The following RABGAP1L variants were observed in gnomAD, a reference collection of about 807,000 sequenced individuals.
The protein encoded by RABGAP1L is RAB GTPase activating protein 1 like, also known as rab GTPase-activating protein 1-like.
A neutral mutation model predicts 137.7 loss-of-function variants in RABGAP1L; 63 were observed. The observed-to-expected ratio is 0.46, with a 90% confidence interval of 0.37 to 0.56. The LOEUF (loss-of-function observed/expected upper bound fraction) is 0.56. Among genes scored for constraint, RABGAP1L ranks in the 20% least tolerant of loss-of-function variants. RABGAP1L has a pLI of 0.00. For missense variants in RABGAP1L, 1,095 were observed against 1,244.0 expected, an observed-to-expected ratio of 0.88 and a Z score of 1.80; for synonymous variants, 431 against 433.7, an observed-to-expected ratio of 0.99 and a Z score of 0.08.
intron 11 of RABGAP1L, among the ~76,000 whole-genome samples, chr1:174,309,742 G>A (rs1306579250): frequency 6.6e-6 from 1 of 152,056 alleles, no homozygotes; most frequent in Non-Finnish European, 1.5e-5. Flanking sequence ...ATGTGCTGTT[G>A]TGTTTGGTAT....
intron 18 of RABGAP1L, among the ~76,000 whole-genome samples, chr1:174,783,707 C>CTTTTTTTTTTTTTTTTTTTTTTTTTTTTT (rs34367315): frequency 9.8e-6 from 1 of 102,468 alleles, no homozygotes; most frequent in Non-Finnish European, 1.9e-5. Context: ...TCTTCTTCTT[C>CTTTTTTTTTTTTTTTTTTTTTTTTTTTTT]TTTTTTTTTT....
chr1:174,624,138 C>T (rs1672758746), intron 13 of RABGAP1L, among the ~76,000 whole-genome samples: 1 of 152,194 alleles, frequency 6.6e-6, no homozygotes, highest in Non-Finnish European at 1.5e-5. Flanking sequence ...GTCACATCTA[C>T]TGGGCATGCC....
chr1:174,947,159 T>C (rs1339991182), intron 19 of RABGAP1L, among the ~76,000 whole-genome samples: 1 of 150,692 alleles, frequency 6.6e-6, no homozygotes, highest in Non-Finnish European at 1.5e-5. Flanking sequence ...TAAAATTATA[T>C]AGCTAGTATT....
intron 18 of RABGAP1L, among the ~76,000 whole-genome samples, chr1:174,774,540 AC>A (rs1402249231): frequency 1.3e-5 from 2 of 152,082 alleles, no homozygotes; most frequent in African/African-American, 4.8e-5. Flanking sequence ...TCTCAAAAAA[AC>A]AAAGGAAGAT....
chr1:174,313,221 C>G (rs1405846514), intron 11 of RABGAP1L, among the ~76,000 whole-genome samples: 1 of 152,092 alleles, frequency 6.6e-6, no homozygotes, highest in Admixed American at 6.6e-5. Flanking sequence ...ACCACCACAC[C>G]TGGCCATAAA....
At chr1:174,732,177 G>A (rs1467194779) in intron 17 of RABGAP1L, among the ~76,000 whole-genome samples, 2 of 144,260 alleles carry the variant, frequency 1.4e-5, no homozygotes, top group African/African-American at 2.7e-5. Flanking sequence ...CCAGCCTGGC[G>A]ACAGAGTGAG....
chr1:174,300,359 C>G (rs1677559812), intron 10 of RABGAP1L, among the ~76,000 whole-genome samples: 1 of 151,664 alleles, frequency 6.6e-6, no homozygotes, highest in East Asian at 2.0e-4. Flanking sequence ...AACTCCATCT[C>G]TACTAAAAAT....
At chr1:174,438,064 A>G (rs1158478326) in intron 13 of RABGAP1L, among the ~76,000 whole-genome samples, 2 of 152,204 alleles carry the variant, frequency 1.3e-5, no homozygotes, top group Non-Finnish European at 2.9e-5. Flanking sequence ...GAGCTCCTGA[A>G]GGAAGCACTA....
intron 3 of RABGAP1L, among the ~76,000 whole-genome samples, chr1:174,226,932 T>C (rs1670230698): frequency 6.6e-6 from 1 of 152,176 alleles, no homozygotes; most frequent in Non-Finnish European, 1.5e-5. Context: ...CCTACTTGTT[T>C]ATGGTGTGGC....
At chr1:174,166,553 G>T (rs950207734) in intron 1 of RABGAP1L, among the ~76,000 whole-genome samples, 1 of 152,218 alleles carries the variant, frequency 6.6e-6, no homozygotes, top group African/African-American at 2.4e-5. Context: ...TATGACTGAA[G>T]ATGTTTTGAA....
In RABGAP1L at chr1:174,924,385, CA is replaced by C. The variant is rs10688718; in HGVS notation, c.2341-33051del. ...GTGGTGACAGAGCAAGACTCTGTCT[CA>C]AAAAAAAAAAAAAAAAAAAAGAGAG... On this transcript the variant is annotated intron_variant, in intron 19 of 25. Coordinates refer to ENST00000681986, the MANE Select transcript of RABGAP1L (RefSeq NM_001366446.1). Among the ~76,000 whole-genome samples the C allele has an allele frequency of 1.4e-3, 97 of 70,108 alleles. 1 individual carries two copies. Among genetic ancestry groups the C allele is most frequent in the African/African-American group, 2.9e-3 (47 of 16,272 alleles). The allele number at this position is 70,108 out of a possible 152,430, so 46.0% of individuals were successfully genotyped here.
chr1:174,923,527 A>G (rs962969154), intron 19 of RABGAP1L, among the ~76,000 whole-genome samples: 1 of 152,226 alleles, frequency 6.6e-6, no homozygotes, highest in Non-Finnish European at 1.5e-5. Flanking sequence ...TGAGTGACAC[A>G]TAGCCAAATT....
intron 18 of RABGAP1L, among the ~76,000 whole-genome samples, chr1:174,771,037 G>A (rs1445702871): frequency 6.6e-6 from 1 of 152,216 alleles, no homozygotes; most frequent in African/African-American, 2.4e-5. Context: ...TGGGAAACTA[G>A]TAAACATTTT....
At chr1:174,931,779 T>TA (rs1038717120) in intron 19 of RABGAP1L, among the ~76,000 whole-genome samples, 1 of 151,976 alleles carries the variant, frequency 6.6e-6, no homozygotes, top group Non-Finnish European at 1.5e-5. Context: ...ATATTTCACC[T>TA]AAAAAAATTA....
intron 12 of RABGAP1L, among the ~76,000 whole-genome samples, chr1:174,385,366 T>C (rs1686672431): frequency 6.6e-6 from 1 of 152,208 alleles, no homozygotes; most frequent in Non-Finnish European, 1.5e-5. Flanking sequence ...ATTTGGAGGA[T>C]AAAATCAAGA....
intron 19 of RABGAP1L, among the ~76,000 whole-genome samples, chr1:174,910,461 A>G (rs1659876976): frequency 6.6e-6 from 1 of 152,192 alleles, no homozygotes; most frequent in Non-Finnish European, 1.5e-5. Context: ...CATTGTACTG[A>G]CTGGGAAAAG....
rs139494793 is a variant in RABGAP1L, at chr1:174,418,882, G to A, written c.1710+24737G>A. ...GATGAAACCCTGTCTCTACGAAAATGCAAAAATTAGCCAGGTGTGGTAGTG... is the reference window on the plus strand; with the variant it reads ...GATGAAACCCTGTCTCTACGAAAATACAAAAATTAGCCAGGTGTGGTAGTG... On this transcript the variant is annotated intron_variant, in intron 13 of 25. Coordinates refer to ENST00000681986, the MANE Select transcript of RABGAP1L (RefSeq NM_001366446.1). Among the ~76,000 whole-genome samples, 178 of 151,956 alleles carry A rather than the reference G, an allele frequency of 1.2e-3. 1 individual carries two copies. Among genetic ancestry groups the A allele is most frequent in the African/African-American group, 4.2e-3 (174 of 41,428 alleles).
Position 174,373,199 on chromosome 1 carries a change from C to T in RABGAP1L, c.1559+2127C>T, listed in dbSNP as rs114996703. Among the ~76,000 whole-genome samples the T allele has an allele frequency of 9.5e-3, 1,453 of 152,176 alleles. 24 individuals are homozygous for T. Among genetic ancestry groups the T allele is most frequent in the African/African-American group, 0.033 (1,390 of 41,538 alleles). On this transcript the variant is annotated intron_variant, in intron 12 of 25. Coordinates refer to ENST00000681986, the MANE Select transcript of RABGAP1L (RefSeq NM_001366446.1). ...GACAGTTTCAATGTGGGATGGAGAG[C>T]GGCAGGAAGTGAGATGGGAGAGTGT...
At chr1:174,411,849 G>C (rs759521167) in intron 13 of RABGAP1L, among the ~76,000 whole-genome samples, 1 of 152,044 alleles carries the variant, frequency 6.6e-6, no homozygotes, top group Non-Finnish European at 1.5e-5. Flanking sequence ...CCAAGAGTAT[G>C]GTTTGTGTGA....
Sources: allele counts gnomAD v4.1 joint callset (sites outside exome capture counted in the v4.1 genomes callset), GRCh38; gene constraint gnomAD v4.1.1; transcripts MANE v1.5; gene names NCBI Gene and HGNC (gene_info 2026-07-23, HGNC 2026-07-21).